The following HLA-DMB variants were observed in gnomAD, a reference collection of about 807,000 sequenced individuals.
HLA-DMB encodes HLA class II histocompatibility antigen, DM beta chain.
Under a neutral mutation model 29.3 loss-of-function variants are expected in HLA-DMB, and 18 were observed. The ratio of observed to expected loss-of-function variants is 0.62; its 90% CI spans 0.43 to 0.91. HLA-DMB has a LOEUF of 0.91. Ranked by LOEUF, HLA-DMB falls within the 40% of genes least tolerant of loss-of-function variation. The probability of loss-of-function intolerance (pLI) is 0.00; values close to 1 mark genes in which losing one functional copy is unlikely to be tolerated. For synonymous variants in HLA-DMB, 143 were observed against 128.7 expected (o/e 1.11, Z -0.75); for missense variants, 258 against 320.9 (o/e 0.80, Z 1.50).
At chr6:32,938,631 C>T in intron 2 of HLA-DMB, 53 bp downstream of exon 2, 1 of 1,441,382 alleles carries the variant, frequency 6.9e-7, no homozygotes, top group African/African-American at 1.5e-5. Context: ...CCTCCCTGGC[C>T]TGCCCTCCTA....
Position 32,935,573 on chromosome 6 carries a change from A to G in HLA-DMB, c.702T>C (p.Ser234=). ...VTLGLGLIIF[S]LGVISWRRAG... is the part of the protein sequence containing the mutation. The stretch of plus-strand genomic sequence containing the variant: ...CTCTCCGCCAGCTGATCACACCAAG[A>G]GAGAAGATGATGAGGCCCAGGCCCA... The change falls in exon 4 of 6, where the codon TCT becomes TCC. Residue 234 remains serine, a synonymous_variant. Coordinates refer to ENST00000418107, the MANE Select transcript of HLA-DMB (RefSeq NM_002118.5). The G allele has an allele frequency of 1.2e-6, 2 of 1,613,068 alleles. No homozygotes were observed. The highest frequency in any genetic ancestry group is 8.5e-7 in the Non-Finnish European group (1 of 1,180,006).
chr6:32,940,799 T>G lies in HLA-DMB; in HGVS notation c.9A>C (p.Thr3=). 1 of 1,600,154 alleles carries G rather than the reference T, an allele frequency of 6.2e-7. No individual in the cohort carries two copies. The highest frequency in any genetic ancestry group is 8.5e-7 in the Non-Finnish European group (1 of 1,174,006). Residue 3 remains threonine (T), a synonymous_variant, in exon 1 of 6, where the codon ACA becomes ACC. Coordinates refer to ENST00000418107, the MANE Select transcript of HLA-DMB (RefSeq NM_002118.5). MI[T]FLPLLLGLSL... ...TGAGCCCCAGCAGCAGCGGCAGGAA[T>G]GTGATCATGCTCTGCTCTGTAAAGA... is the stretch of plus-strand genomic sequence containing the variant.
Position 32,935,656 on chromosome 6 carries a change from C to CA in HLA-DMB, c.623-5dup, listed in dbSNP as rs1193912018. ...TGCATGGGGGACAGCCCAGGTGCTG[C>CA]AAAAAATAGAAACTTACTTGACCCA... On this transcript the variant is annotated splice_region_variant and splice_polypyrimidine_tract_variant and intron_variant, in intron 3 of 5. Transcript: ENST00000418107. 5 of 1,605,732 alleles carry CA rather than the reference C, an allele frequency of 3.1e-6. 1 individual carries two copies. In the South Asian group the frequency reaches 3.3e-5, roughly 11 times the overall value.
At chr6:32,938,563 T>G in intron 2 of HLA-DMB, 121 bp downstream of exon 2, 1 of 1,008,474 alleles carries the variant, frequency 9.9e-7, no homozygotes, top group East Asian at 2.9e-5. Context: ...ACATTTCAGA[T>G]CCACACATTT....
rs1561868591 is a variant in HLA-DMB, at chr6:32,940,976, A to G, written c.-169T>C. ...GACCCCCCAAATGAGTGATGTGGGG[A>G]TACCCAGCCCCTAGATATTAAATCT... On this transcript the variant is annotated 5_prime_UTR_variant, in exon 1 of 6. Transcript: ENST00000418107. 3.6e-6 allele frequency: 2 copies of G among 552,604 alleles called. No homozygotes were observed. The allele number at this position is 552,604 out of a possible 1,614,324, so 34.2% of individuals were successfully genotyped here. A position where few individuals can be genotyped will look rare whatever the true frequency, so the allele number is the denominator to read the frequency against.
In HLA-DMB at chr6:32,934,917, T is replaced by C; in HGVS notation, c.*54A>G. On this transcript the variant is annotated 3_prime_UTR_variant, in exon 6 of 6. Transcript: ENST00000418107. ...AAGATGTTGGAGAGGCATGGTAGCA[T>C]CATTGAGTTTGAATCTCCTTCTCAC... 6.5e-7 allele frequency: 1 copy of C among 1,536,364 alleles called. No individual in the cohort carries two copies. The highest frequency in any genetic ancestry group is 9.0e-7 in the Non-Finnish European group (1 of 1,110,116).
Position 32,937,428 on chromosome 6 carries a change from G to C in HLA-DMB, c.366C>G (p.Thr122=), listed in dbSNP as rs995890905. Residue 122 remains threonine, a synonymous_variant, in exon 3 of 6, where the codon ACC becomes ACG. Coordinates refer to ENST00000418107, the MANE Select transcript of HLA-DMB (RefSeq NM_002118.5). The surrounding 1 kb of genome is among the most constrained non-coding windows in gnomAD (Gnocchi z 4.1). ...TRPPSVQVAK[T]TPFNTREPVM... ...CAGGCTCCCTCGTGTTAAAAGGAGT[G>C]GTTTTGGCTACTTGCACAGATGGTG... 3.1e-6 allele frequency: 5 copies of C among 1,614,104 alleles called. No individual in the cohort carries two copies. Among genetic ancestry groups the C allele is most frequent in the Non-Finnish European group, 4.2e-6 (5 of 1,179,974 alleles).
rs192597393 is a variant in HLA-DMB, at chr6:32,935,548, C to T, written c.727G>A (p.Ala243Thr). The T allele has an allele frequency of 6.8e-6, 11 of 1,612,716 alleles. No homozygotes were observed. Among genetic ancestry groups the T allele is most frequent in the Non-Finnish European group, 9.3e-6 (11 of 1,179,674 alleles). ...GCGAGTCACTCACTAGAGTGGCCAG[C>T]TCTCCGCCAGCTGATCACACCAAGA... ...FSLGVISWRR[A>T]GHSSYTPLPG... Residue 243 changes from alanine (A) to threonine (T), a missense_variant, in exon 4 of 6, where the codon GCT becomes ACT. Physicochemically the swap from Ala to Thr is moderately conservative, Grantham distance 58 (BLOSUM62 0). Coordinates refer to ENST00000418107, the MANE Select transcript of HLA-DMB (RefSeq NM_002118.5).
In HLA-DMB at chr6:32,938,756, G is replaced by A. The variant is rs1465081585; in HGVS notation, c.265C>T (p.Arg89Cys). Residue 89 changes from arginine (R) to cysteine (C), a missense_variant, in exon 2 of 6, where the codon CGC (arginine) becomes TGC (cysteine). Transcript: ENST00000418107. ...HLNQKDTLMQRLRNGLQNCAT... is the reference protein window; with the variant it reads ...HLNQKDTLMQCLRNGLQNCAT... ...CAATTCTGAAGCCCATTGCGCAAGC[G>A]CTGCATCAGGGTGTCTTTTTGGTTG... 10 of 1,602,686 alleles carry A rather than the reference G, an allele frequency of 6.2e-6. No homozygotes were observed. Among genetic ancestry groups the A allele is most frequent in the African/African-American group, 1.3e-5 (1 of 74,156 alleles).
At chr6:32,938,455 TG>T in intron 2 of HLA-DMB, 1 of 410,920 alleles carries the variant, frequency 2.4e-6, no homozygotes, top group Non-Finnish European at 4.3e-6. Flanking sequence ...GCTCCCCACA[TG>T]GCACCTCGCG....
At position 32,936,195 on chromosome 6, in the gene HLA-DMB, G is replaced by A. The variant is rs2127467566; in HGVS notation, c.623-543C>T. 1.3e-5 allele frequency: 2 copies of A among 156,082 alleles called. 1 individual carries two copies. The highest frequency in any genetic ancestry group is 3.8e-4 in the East Asian group (2 of 5,238). 9.7% of individuals were successfully genotyped at this position (156,082 alleles called of 1,614,324 possible). ...CACTCCACAGCCCCTGCACTTCCTT[G>A]GGCCGGTCCTGTTCTGAATCATGTC... On this transcript the variant is annotated intron_variant, in intron 3 of 5. Transcript: ENST00000418107.
chr6:32,940,480 AC>A (rs1160579755), intron 1 of HLA-DMB, among the ~76,000 whole-genome samples: 2 of 152,024 alleles, frequency 1.3e-5, no homozygotes, highest in Non-Finnish European at 1.5e-5. Flanking sequence ...TTTATGAAGC[AC>A]TTGCTGCATG....
intron 3 of HLA-DMB, 48 bp from the exon 4 acceptor site, chr6:32,935,700 C>T (rs755652698): frequency 3.7e-6 from 5 of 1,360,090 alleles, no homozygotes; most frequent in South Asian, 1.2e-5. Flanking sequence ...TGCTCACCCC[C>T]AGGGCAATTC....
Position 32,937,261 on chromosome 6 carries a change from G to A in HLA-DMB, c.533C>T (p.Ser178Phe). The A allele has an allele frequency of 1.2e-6, 2 of 1,614,182 alleles. No individual in the cohort carries two copies. Among genetic ancestry groups the A allele is most frequent in the Non-Finnish European group, 1.7e-6 (2 of 1,180,004 alleles). ...GTAAGAGGGGGTTAAGGCTAAATGG[G>A]AGAGGGTCTGGTATGTCCAGTCTCC... ...PNGDWTYQTLSHLALTPSYGD... is the reference protein window; with the variant it reads ...PNGDWTYQTLFHLALTPSYGD... The change falls in exon 3 of 6, where the codon TCC (serine) becomes TTC (phenylalanine). Residue 178 changes from serine (S) to phenylalanine (F), a missense_variant. Physicochemically the swap from Ser to Phe is radical, Grantham distance 155 (BLOSUM62 -2). Transcript: ENST00000418107. The surrounding 1 kb of genome is among the most constrained non-coding windows in gnomAD (Gnocchi z 4.1).
In HLA-DMB at chr6:32,937,308, C is replaced by T. The variant is rs371375658; in HGVS notation, c.486G>A (p.Ala162=). ...NGKLVMPHSS[A]HKTAQPNGDW... ...CTCCATTGGGCTGGGCAGTCTTGTG[C>T]GCACTGCTGTGAGGCATGACAAGCT... The change falls in exon 3 of 6, where the codon GCG becomes GCA. Residue 162 remains alanine (A), a synonymous_variant. Transcript: ENST00000418107. The surrounding 1 kb of genome is among the most constrained non-coding windows in gnomAD (Gnocchi z 4.1). The T allele has an allele frequency of 2.3e-5, 37 of 1,614,010 alleles. No individual in the cohort carries two copies. Among genetic ancestry groups the T allele is most frequent in the Middle Eastern group, 1.6e-4 (1 of 6,084 alleles).
chr6:32,939,064 A>C, intron 1 of HLA-DMB, 99 bp from the exon 2 acceptor site: 1 of 781,410 alleles, frequency 1.3e-6, no homozygotes, highest in Non-Finnish European at 1.7e-6. Context: ...AATAATAAAT[A>C]TATAAAACAT....
chr6:32,935,978 C>T (rs573236674), intron 3 of HLA-DMB: 22 of 352,984 alleles, frequency 6.2e-5, no homozygotes, highest in African/African-American at 1.5e-4. Context: ...TAAAGGGCTC[C>T]TCACTGTCCT....
chr6:32,940,878 C>A lies in HLA-DMB; in HGVS notation c.-71G>T. Reference sequence around the variant, plus strand: ...TCTTCCAGGGTCCGTGGGTCCTCGCCTGTCCCAGAAGCCCCAGCCTGGGTA... The same window carrying A: ...TCTTCCAGGGTCCGTGGGTCCTCGCATGTCCCAGAAGCCCCAGCCTGGGTA... On this transcript the variant is annotated 5_prime_UTR_variant, in exon 1 of 6. In the 5' UTR this introduces an upstream ATG that the reference lacks. Coordinates refer to ENST00000418107, the MANE Select transcript of HLA-DMB (RefSeq NM_002118.5). The A allele has an allele frequency of 7.9e-7, 1 of 1,258,890 alleles. No individual in the cohort carries two copies. The allele number at this position is 1,258,890 out of a possible 1,614,324, so 78.0% of individuals were successfully genotyped here. A position where few individuals can be genotyped will look rare whatever the true frequency, so the allele number is the denominator to read the frequency against.
At position 32,938,683 on chromosome 6, in the gene HLA-DMB, C is replaced by A; in HGVS notation, c.337+1G>T. ...GCCCCTCTGCACCCCTCTCTCCTCA[C>A]GTGTCCTGTTGGTCAGTGATCCCCA... On this transcript the variant is annotated splice_donor_variant, in intron 2 of 5. Coordinates refer to ENST00000418107, the MANE Select transcript of HLA-DMB (RefSeq NM_002118.5). LOFTEE classifies it high-confidence loss of function. The A allele has an allele frequency of 6.6e-7, 1 of 1,505,904 alleles. No individual in the cohort carries two copies. The highest frequency in any genetic ancestry group is 8.9e-7 in the Non-Finnish European group (1 of 1,122,212). The allele number at this position is 1,505,904 out of a possible 1,614,324, so 93.3% of individuals were successfully genotyped here.
Sources: gnomAD v4.1 joint callset for allele counts (sites outside exome capture counted in the v4.1 genomes callset) on GRCh38, gnomAD v4.1.1 for gene constraint, Gnocchi (gnomAD v3.1) non-coding constraint, MANE v1.5 for transcripts, NCBI Gene and HGNC (gene_info 2026-07-23, HGNC 2026-07-21) for gene names.